Variants in CDHR3 observed in about 807,000 individuals in gnomAD.
The protein encoded by CDHR3 is cadherin related family member 3, also known as cadherin-related family member 3.
Under a neutral mutation model 86.6 loss-of-function variants are expected in CDHR3, and 79 were observed. The ratio of observed to expected loss-of-function variants is 0.91; its 90% confidence interval spans 0.76 to 1.10. The LOEUF (loss-of-function observed/expected upper bound fraction) is 1.10. CDHR3 is among the 50% of genes least tolerant of loss of function. The pLI, the probability that CDHR3 is intolerant of heterozygous loss-of-function variation, is 0.00. For missense variants in CDHR3, 1,081 were observed against 1,077.6 expected (o/e 1.00, Z -0.04); for synonymous variants, 421 against 402.4 (o/e 1.05, Z -0.55).
At position 106,001,539 on chromosome 7, in the gene CDHR3, A is replaced by T; in HGVS notation, c.791A>T (p.Asp264Val). ...GCCAATATCACAGCGGAGGATCCTGATGATGAAGGTTTTCCCAGCCACCTC... is the reference window on the plus strand; with the variant it reads ...GCCAATATCACAGCGGAGGATCCTGTTGATGAAGGTTTTCCCAGCCACCTC... ...IVANITAEDP[D>V]DEGFPSHLLY... The change falls in exon 7 of 19, where the codon GAT becomes GTT. Residue 264 changes from aspartate to valine, a missense_variant. Physicochemically the swap from Asp to Val is radical, Grantham distance 152. Transcript: ENST00000317716. The T allele has an allele frequency of 6.2e-7, 1 of 1,614,000 alleles. No homozygotes were observed. The highest frequency in any genetic ancestry group is 8.5e-7 in the Non-Finnish European group (1 of 1,179,878).
chr7:105,979,017 T>C lies in CDHR3; in HGVS notation c.250-1951T>C, dbSNP rs973641159. 2.6e-5 allele frequency among the ~76,000 whole-genome samples: 4 copies of C among 152,164 alleles called. No homozygotes were observed. In the East Asian group the frequency reaches 7.7e-4, roughly 29 times the overall value. ...AAGTCCACCTGCTCTGGTGGACATA[T>C]ATTCCTTGAACAGTTTTTGACTACT... On this transcript the variant is annotated intron_variant, in intron 2 of 18. Coordinates refer to ENST00000317716, the MANE Select transcript of CDHR3 (RefSeq NM_152750.5).
At chr7:105,992,083 T>C (rs142803554) in intron 4 of CDHR3, among the ~76,000 whole-genome samples, 1 of 152,194 alleles carries the variant, frequency 6.6e-6, no homozygotes, top group Admixed American at 6.5e-5. Flanking sequence ...ATATCCTGTA[T>C]GTATCCCCTT....
At chr7:106,026,127 G>A (rs1054033050) in intron 15 of CDHR3, among the ~76,000 whole-genome samples, 6 of 152,192 alleles carry the variant, frequency 3.9e-5, no homozygotes, top group Non-Finnish European at 7.3e-5. Context: ...AACCTCTCTG[G>A]AAATTAGTTA....
chr7:105,966,030 A>G (rs1448411043), intron 1 of CDHR3, among the ~76,000 whole-genome samples: 1 of 152,158 alleles, frequency 6.6e-6, no homozygotes, highest in Non-Finnish European at 1.5e-5. Context: ...TTGTGAAGCT[A>G]TAGTGCCTAT....
At chr7:106,006,929 C>G (rs1026543462) in intron 8 of CDHR3, among the ~76,000 whole-genome samples, 4 of 152,234 alleles carry the variant, frequency 2.6e-5, no homozygotes, top group African/African-American at 9.6e-5. Context: ...TGAGGGGCCA[C>G]CCCTGCAACA....
At chr7:106,031,206 C>G (rs887964136) in intron 18 of CDHR3, among the ~76,000 whole-genome samples, 2 of 152,168 alleles carry the variant, frequency 1.3e-5, no homozygotes, top group Non-Finnish European at 1.5e-5. Flanking sequence ...GATTGCCCCC[C>G]CCAGCCCATC....
chr7:105,999,026 C>T (rs1832710532), intron 6 of CDHR3, among the ~76,000 whole-genome samples: 1 of 152,224 alleles, frequency 6.6e-6, no homozygotes, highest in African/African-American at 2.4e-5. Context: ...CCATCCATGG[C>T]TTCCCAGCAT....
chr7:105,998,505 TGACACACCGGGTGCAGTG>T (rs1832614074), intron 6 of CDHR3, among the ~76,000 whole-genome samples: 1 of 152,218 alleles, frequency 6.6e-6, no homozygotes, highest in Non-Finnish European at 1.5e-5. Flanking sequence ...TAAAAGCACC[TGACACACCGGGTGCAGTG>T]GCTCACGCCT....
In CDHR3 at chr7:106,032,407, T is replaced by C. The variant is rs1012160039; in HGVS notation, c.2368T>C (p.Tyr790His). The C allele has an allele frequency of 1.9e-6, 3 of 1,609,560 alleles. No homozygotes were observed. The highest frequency in any genetic ancestry group is 2.2e-5 in the South Asian group (2 of 90,772). ...EAIDPVTGET[Y>H]EFNSKTGARK... ...TTTTTCACTAGTGACCGGGGAAACA[T>C]ATGAATTCAACTCAAAAACTGGAGC... Residue 790 changes from tyrosine to histidine, a missense_variant, in exon 19 of 19, where the codon TAT becomes CAT. Transcript: ENST00000317716.
chr7:105,967,303 G>A (rs1827123899), intron 1 of CDHR3, among the ~76,000 whole-genome samples: 1 of 152,180 alleles, frequency 6.6e-6, no homozygotes, highest in African/African-American at 2.4e-5. Flanking sequence ...TTTTATGGCT[G>A]CATAGTATTC....
chr7:105,963,758 C>T (rs1296048004), intron 1 of CDHR3, among the ~76,000 whole-genome samples: 27 of 152,080 alleles, frequency 1.8e-4, no homozygotes, highest in Admixed American at 1.7e-3. Context: ...TTGAGGTTGA[C>T]AAGTGATCCT....
intron 18 of CDHR3, among the ~76,000 whole-genome samples, chr7:106,031,202 C>G (rs1295807911): frequency 6.6e-6 from 1 of 151,802 alleles, no homozygotes; most frequent in African/African-American, 2.4e-5. Context: ...TACTGATTGC[C>G]CCCCCCAGCC....
At position 105,974,871 on chromosome 7, in the gene CDHR3, T is replaced by C; in HGVS notation, c.74T>C (p.Leu25Ser). 1 of 1,613,674 alleles carries C rather than the reference T, an allele frequency of 6.2e-7. No homozygotes were observed. The change falls in exon 2 of 19, where the codon TTA becomes TCA. Residue 25 changes from leucine to serine, a missense_variant. Physicochemically the swap from Leu to Ser is moderately radical, Grantham distance 145. Transcript: ENST00000317716. ...GGAGAAGCACTACACCTAATCCTCT[T>C]ACCTGCTACAGGCAATGTGGCAGAG... is the stretch of plus-strand genomic sequence containing the variant. The part of the protein sequence containing the change: ...SGGEALHLIL[L>S]PATGNVAENS...
In CDHR3 at chr7:106,028,918, T is replaced by TCTTTCTTTCTTTCTTTC. The variant is rs1563311709; in HGVS notation, c.2304+336_2304+337insCTTTCTTTCTTTCTTTC. ...TTCAGCCTCCAGTGAGATTTAAATT[T>TCTTTCTTTCTTTCTTTC]TCTTTCTTTCTTTCTTTCTTTCTTT... On this transcript the variant is annotated intron_variant, in intron 17 of 18. Coordinates refer to ENST00000317716, the MANE Select transcript of CDHR3 (RefSeq NM_152750.5). Among the ~76,000 whole-genome samples, 156 of 58,554 alleles carry TCTTTCTTTCTTTCTTTC rather than the reference T, an allele frequency of 2.7e-3. 2 individuals carry two copies. The highest frequency in any genetic ancestry group is 0.01 in the African/African-American group (148 of 14,538). The allele number at this position is 58,554 out of a possible 152,430, so 38.4% of individuals were successfully genotyped here.
chr7:105,982,146 C>A (rs1172961964), intron 3 of CDHR3, among the ~76,000 whole-genome samples: 1 of 152,052 alleles, frequency 6.6e-6, no homozygotes, highest in Non-Finnish European at 1.5e-5. Context: ...ACAAGAAATT[C>A]CCGTCTCACT....
At position 106,029,971 on chromosome 7, in the gene CDHR3, T is replaced by G. The variant is rs1057022662; in HGVS notation, c.2305-821T>G. ...GGGGCTGCTTAGCTGGTCAAATTGATGAAGGCCATATAATCCCCATTTCCT... is the reference window on the plus strand; with the variant it reads ...GGGGCTGCTTAGCTGGTCAAATTGAGGAAGGCCATATAATCCCCATTTCCT... On this transcript the variant is annotated intron_variant, in intron 17 of 18. Transcript: ENST00000317716. Among the ~76,000 whole-genome samples, 9 of 152,240 alleles carry G rather than the reference T, an allele frequency of 5.9e-5. No homozygotes were observed. The South Asian group carries it at 1.7e-3, about 28-fold the overall frequency.
chr7:106,024,685 G>A (rs1274013792), intron 15 of CDHR3, 123 bp downstream of exon 15: 3 of 977,330 alleles, frequency 3.1e-6, no homozygotes, highest in Non-Finnish European at 4.5e-6. Context: ...CTGGAGTGAA[G>A]GCAGGAAAAG....
Position 105,980,891 on chromosome 7 carries a change from T to C in CDHR3, c.250-77T>C, listed in dbSNP as rs554444691. 1.5e-3 allele frequency: 2,051 copies of C among 1,328,810 alleles called. 7 individuals carry two copies. Among genetic ancestry groups the C allele is most frequent in the Non-Finnish European group, 1.9e-3 (1,785 of 956,410 alleles). The allele number at this position is 1,328,810 out of a possible 1,614,324, so 82.3% of individuals were successfully genotyped here. A position where few individuals can be genotyped will look rare whatever the true frequency, so the allele number is the denominator to read the frequency against. On this transcript the variant is annotated intron_variant, in intron 2 of 18. Transcript: ENST00000317716. ...ATGCCAGATGCTTCCTTCCTAGGAA[T>C]ATCCCTTTGCAAAGTGCATGCATGC...
At chr7:105,983,001 AAAT>A (rs1198357526) in intron 3 of CDHR3, among the ~76,000 whole-genome samples, 12 of 151,576 alleles carry the variant, frequency 7.9e-5, no homozygotes, top group Non-Finnish European at 1.5e-4. Flanking sequence ...AAAAAAAAAA[AAAT>A]CTTGACAAGT....
Sources: allele counts gnomAD v4.1 joint callset (sites outside exome capture counted in the v4.1 genomes callset), GRCh38; gene constraint gnomAD v4.1.1; transcripts MANE v1.5; gene names NCBI Gene and HGNC (gene_info 2026-07-23, HGNC 2026-07-21).